RIT2: variants seen among roughly 807,000 people sequenced by gnomAD.
The protein encoded by RIT2 is GTP-binding protein Rit2.
Under a neutral mutation model 23.7 loss-of-function variants are expected in RIT2, and 24 were observed. The ratio of observed to expected loss-of-function variants is 1.01; its 90% CI spans 0.73 to 1.43. RIT2 has a LOEUF of 1.43. RIT2 is among the 40% of genes most tolerant of loss of function. The pLI, the probability that RIT2 is intolerant of heterozygous loss-of-function variation, is 0.00. For missense variants in RIT2, 236 were observed against 266.9 expected, an observed-to-expected ratio of 0.88 and a Z score of 0.81; for synonymous variants, 107 against 91.1, an observed-to-expected ratio of 1.17 and a Z score of -0.99.
intron 1 of RIT2, among the ~76,000 whole-genome samples, chr18:43,058,778 A>T (rs574227690): frequency 2.5e-4 from 38 of 152,080 alleles, no homozygotes; most frequent in Non-Finnish European, 2.1e-4. Context: ...AGTTTCAGCT[A>T]CTTGGGAGGC....
At chr18:42,956,490 C>T (rs937195519) in intron 3 of RIT2, among the ~76,000 whole-genome samples, 2 of 152,132 alleles carry the variant, frequency 1.3e-5, no homozygotes, top group African/African-American at 4.8e-5. Context: ...GAAACATGTA[C>T]TTGAAATTTG....
chr18:42,869,204 C>T (rs1907552326), intron 4 of RIT2, among the ~76,000 whole-genome samples: 1 of 152,172 alleles, frequency 6.6e-6, no homozygotes, highest in African/African-American at 2.4e-5. Flanking sequence ...TGAAACTGTT[C>T]CACTTCATAT....
chr18:43,032,991 G>A, intron 2 of RIT2, among the ~76,000 whole-genome samples: 1 of 152,128 alleles, frequency 6.6e-6, no homozygotes, highest in East Asian at 1.9e-4. Context: ...GTAATGGGGA[G>A]TGGTTAAAGG....
At chr18:42,813,304 C>A (rs1298460721) in intron 4 of RIT2, among the ~76,000 whole-genome samples, 3 of 151,914 alleles carry the variant, frequency 2.0e-5, no homozygotes, top group African/African-American at 4.8e-5. Flanking sequence ...AGAAAATAAT[C>A]ATTGAAAGAA....
chr18:43,026,226 G>A (rs1366360417), intron 2 of RIT2, among the ~76,000 whole-genome samples: 1 of 151,882 alleles, frequency 6.6e-6, no homozygotes, highest in Admixed American at 6.6e-5. Flanking sequence ...AAAGGTTTTA[G>A]GTATGAGAAC....
At chr18:42,996,706 C>T (rs905637231) in intron 2 of RIT2, among the ~76,000 whole-genome samples, 17 of 152,018 alleles carry the variant, frequency 1.1e-4, no homozygotes, top group African/African-American at 2.7e-4. Context: ...TATCTCCCTT[C>T]GCTGACTCTT....
At chr18:42,938,791 T>G (rs575744505) in intron 3 of RIT2, among the ~76,000 whole-genome samples, 2 of 152,032 alleles carry the variant, frequency 1.3e-5, no homozygotes, top group Non-Finnish European at 2.9e-5. Context: ...CAGGGTGGAG[T>G]AGAGTGACAC....
chr18:43,089,020 T>G (rs1002631766), intron 1 of RIT2, among the ~76,000 whole-genome samples: 1 of 152,098 alleles, frequency 6.6e-6, no homozygotes, highest in Admixed American at 6.6e-5. Context: ...TACACATGTA[T>G]GTTTTAAATA....
chr18:43,107,043 T>C (rs1478562270), intron 1 of RIT2, among the ~76,000 whole-genome samples: 1 of 152,188 alleles, frequency 6.6e-6, no homozygotes, highest in Non-Finnish European at 1.5e-5. Context: ...CCACCGTCTG[T>C]CAATGTGTAC....
chr18:43,027,163 T>C (rs1911752479), intron 2 of RIT2, among the ~76,000 whole-genome samples: 1 of 152,012 alleles, frequency 6.6e-6, no homozygotes, highest in African/African-American at 2.4e-5. Context: ...TAAAAGCAAT[T>C]TCAGTAGAGT....
At chr18:42,834,424 T>C (rs147371850) in intron 4 of RIT2, among the ~76,000 whole-genome samples, 202 of 152,244 alleles carry the variant, frequency 1.3e-3, no homozygotes, top group African/African-American at 4.6e-3. Context: ...ATTTCCAAAA[T>C]GATGCTTTAA....
chr18:43,035,657 C>G (rs1159991154), intron 1 of RIT2, among the ~76,000 whole-genome samples: 1 of 152,198 alleles, frequency 6.6e-6, no homozygotes, highest in Non-Finnish European at 1.5e-5. Context: ...TTCATCCCCA[C>G]CACTCCTCAA....
At chr18:43,033,001 G>A (rs757793593) in intron 2 of RIT2, among the ~76,000 whole-genome samples, 1 of 152,082 alleles carries the variant, frequency 6.6e-6, no homozygotes, top group Non-Finnish European at 1.5e-5. Context: ...GTGGTTAAAG[G>A]AGCTCACCAT....
At chr18:43,109,107 G>A (rs1234783322) in intron 1 of RIT2, among the ~76,000 whole-genome samples, 1 of 152,182 alleles carries the variant, frequency 6.6e-6, no homozygotes, top group Non-Finnish European at 1.5e-5. Flanking sequence ...GAAGGAATTG[G>A]TTGTGTGCTG....
intron 4 of RIT2, among the ~76,000 whole-genome samples, chr18:42,825,485 T>C (rs1487405747): frequency 2.0e-5 from 3 of 151,818 alleles, no homozygotes; most frequent in African/African-American, 7.2e-5. Flanking sequence ...CAAAACATCT[T>C]TAAAGTATAC....
rs578056508 is a variant in RIT2, at chr18:42,836,451, C to T, written c.426+87121G>A. On this transcript the variant is annotated intron_variant, in intron 4 of 4. Coordinates refer to ENST00000326695, the MANE Select transcript of RIT2 (RefSeq NM_002930.4). ...AACATACTAGAAAGCAGCATGAAAGCCTTGGACATTGAAGACCAGAAGGCA... is the reference window on the plus strand; with the variant it reads ...AACATACTAGAAAGCAGCATGAAAGTCTTGGACATTGAAGACCAGAAGGCA... 3.9e-5 allele frequency among the ~76,000 whole-genome samples: 6 copies of T among 152,092 alleles called. No individual in the cohort carries two copies. In the East Asian group the frequency reaches 9.7e-4, roughly 25 times the overall value.
At chr18:43,045,725 C>A (rs553996300) in intron 1 of RIT2, among the ~76,000 whole-genome samples, 7 of 152,248 alleles carry the variant, frequency 4.6e-5, no homozygotes, top group Non-Finnish European at 1.0e-4. Flanking sequence ...CCTCTAATAT[C>A]TTTTTACCTC....
At chr18:43,064,266 G>T (rs1409497070) in intron 1 of RIT2, among the ~76,000 whole-genome samples, 1 of 152,132 alleles carries the variant, frequency 6.6e-6, no homozygotes, top group Non-Finnish European at 1.5e-5. Flanking sequence ...TTATATAACA[G>T]AATATATAAT....
At chr18:42,801,897 C>G (rs775272937) in intron 4 of RIT2, among the ~76,000 whole-genome samples, 2 of 152,216 alleles carry the variant, frequency 1.3e-5, no homozygotes, top group African/African-American at 4.8e-5. Context: ...GTTTGTTGAA[C>G]AATGTACTCA....
Sources: gnomAD v4.1 joint callset for allele counts (sites outside exome capture counted in the v4.1 genomes callset) on GRCh38, gnomAD v4.1.1 for gene constraint, MANE v1.5 for transcripts, NCBI Gene and HGNC (gene_info 2026-07-23, HGNC 2026-07-21) for gene names.